CYCS: variants seen among roughly 807,000 people sequenced by gnomAD.
CYCS encodes cytochrome c.
For synonymous variants in CYCS, 41 were observed against 43.0 expected (o/e 0.95, Z 0.18); for missense variants, 87 against 125.3 (o/e 0.69, Z 1.46).
rs570409351 is a variant in CYCS at position 25,123,354 on chromosome 7, T to G, written c.*347A>C. On this transcript the variant is annotated 3_prime_UTR_variant, in exon 3 of 3. Transcript: ENST00000305786. ...TCCCCAGTATTTAAATATATTCACA[T>G]AACCAGTTATATAAATCTAAATATA... The G allele has an allele frequency of 5.1e-4, 162 of 320,184 alleles. No individual in the cohort carries two copies. Among genetic ancestry groups the G allele is most frequent in the African/African-American group, 3.4e-3 (156 of 46,442 alleles). The allele number at this position is 320,184 out of a possible 1,614,324, so 19.8% of individuals were successfully genotyped here. A position where few individuals can be genotyped will look rare whatever the true frequency, so the allele number is the denominator to read the frequency against.
In CYCS at chr7:25,123,073, GT is replaced by G. The variant is rs959177076; in HGVS notation, c.*627del. 2.6e-5 allele frequency: 4 copies of G among 153,304 alleles called. No homozygotes were observed. The highest frequency in any genetic ancestry group is 2.6e-4 in the Admixed American group (4 of 15,510). The allele number at this position is 153,304 out of a possible 1,614,324, so 9.5% of individuals were successfully genotyped here. On this transcript the variant is annotated 3_prime_UTR_variant, in exon 3 of 3. Transcript: ENST00000305786. ...TAACTTGCTACTATTTTAAAAGCAT[GT>G]GACCTTATAGATCTGTAAGATGTGA... is the stretch of plus-strand genomic sequence containing the variant.
rs1472484318 is a variant in CYCS, at chr7:25,123,944, C to G, written c.169+7G>C. ...TTGTGTTGTTTTATTTAACAAGTGA[C>G]TCTTACCTTTGTTCTTATTGGCGGC... On this transcript the variant is annotated splice_region_variant and intron_variant, in intron 2 of 2. Coordinates refer to ENST00000305786, the MANE Select transcript of CYCS (RefSeq NM_018947.6). 1 of 1,614,114 alleles carries G rather than the reference C, an allele frequency of 6.2e-7. No individual in the cohort carries two copies. Among genetic ancestry groups the G allele is most frequent in the Non-Finnish European group, 8.5e-7 (1 of 1,180,002 alleles).
Position 25,122,134 on chromosome 7 carries a change from T to C in CYCS, c.*1567A>G, listed in dbSNP as rs2128577191. 6.6e-6 allele frequency: 1 copy of C among 152,276 alleles called. No individual in the cohort carries two copies. Among genetic ancestry groups the C allele is most frequent in the African/African-American group, 2.4e-5 (1 of 41,556 alleles). 9.4% of individuals were successfully genotyped at this position (152,276 alleles called of 1,614,324 possible). ...CTGTCCCTGAATACCACTAACTTTA[T>C]ACAGTCACCAAGTCCTCTGCTACAA... On this transcript the variant is annotated 3_prime_UTR_variant, in exon 3 of 3. Coordinates refer to ENST00000305786, the MANE Select transcript of CYCS (RefSeq NM_018947.6).
In CYCS at chr7:25,122,226, C is replaced by T. The variant is rs1250776762; in HGVS notation, c.*1475G>A. On this transcript the variant is annotated 3_prime_UTR_variant, in exon 3 of 3. Transcript: ENST00000305786. ...CATTTTTAAATTCCCCACCAGAACT[C>T]AGACTAGGACTTCAAATATGAATTA... is the stretch of plus-strand genomic sequence containing the variant. 1 of 152,182 alleles carries T rather than the reference C, an allele frequency of 6.6e-6. No individual in the cohort carries two copies. Among genetic ancestry groups the T allele is most frequent in the African/African-American group, 2.4e-5 (1 of 41,430 alleles). The allele number at this position is 152,182 out of a possible 1,614,324, so 9.4% of individuals were successfully genotyped here. A position where few individuals can be genotyped will look rare whatever the true frequency, so the allele number is the denominator to read the frequency against.
Position 25,122,373 on chromosome 7 carries a change from T to G in CYCS, c.*1328A>C, listed in dbSNP as rs1270722890. On this transcript the variant is annotated 3_prime_UTR_variant, in exon 3 of 3. Coordinates refer to ENST00000305786, the MANE Select transcript of CYCS (RefSeq NM_018947.6). ...TTTGAGACCATGGATTCACATCTTC[T>G]CAGTCTTCTCACTGTCCCACAAAGA... The G allele has an allele frequency of 6.6e-6, 1 of 152,254 alleles. No homozygotes were observed. Among genetic ancestry groups the G allele is most frequent in the Admixed American group, 6.5e-5 (1 of 15,288 alleles). The allele number at this position is 152,254 out of a possible 1,614,324, so 9.4% of individuals were successfully genotyped here. A position where few individuals can be genotyped will look rare whatever the true frequency, so the allele number is the denominator to read the frequency against.
At position 25,120,651 on chromosome 7, in the gene CYCS, G is replaced by A. The variant is rs1783345603; in HGVS notation, c.*3050C>T. Reference sequence around the variant, plus strand: ...GACAGCACTGTTCTAGACAAAATAAGCATGTAGGTGGCATCTGAATACCCC... The same window carrying A: ...GACAGCACTGTTCTAGACAAAATAAACATGTAGGTGGCATCTGAATACCCC... On this transcript the variant is annotated 3_prime_UTR_variant, in exon 3 of 3. Transcript: ENST00000305786. 2 of 152,206 alleles carry A rather than the reference G, an allele frequency of 1.3e-5. No homozygotes were observed. Among genetic ancestry groups the A allele is most frequent in the African/African-American group, 4.8e-5 (2 of 41,446 alleles). 9.4% of individuals were successfully genotyped at this position (152,206 alleles called of 1,614,324 possible).
Position 25,123,752 on chromosome 7 carries a change from C to T in CYCS, c.267G>A (p.Lys89=), listed in dbSNP as rs766626698. Residue 89 remains lysine (K), a synonymous_variant, in exon 3 of 3, where the codon AAG becomes AAA. Coordinates refer to ENST00000305786, the MANE Select transcript of CYCS (RefSeq NM_018947.6). Reference sequence around the variant, plus strand: ...AAGCTATTAAGTCTGCCCTTTCTTCCTTCTTCTTAATGCCGACAAAGATCA... The same window carrying T: ...AAGCTATTAAGTCTGCCCTTTCTTCTTTCTTCTTAATGCCGACAAAGATCA... ...TKMIFVGIKK[K]EERADLIAYL... The T allele has an allele frequency of 6.2e-6, 10 of 1,608,724 alleles. No homozygotes were observed. The South Asian group carries it at 1.1e-4, about 18-fold the overall frequency.
chr7:25,121,026 A>C lies in CYCS; in HGVS notation c.*2675T>G, dbSNP rs921694755. On this transcript the variant is annotated 3_prime_UTR_variant, in exon 3 of 3. Transcript: ENST00000305786. ...GTAATCCCAGCTACTTGAGAGGCTG[A>C]GTCAGGAGAATCGCTTGAACCTGGA... 3 of 152,312 alleles carry C rather than the reference A, an allele frequency of 2.0e-5. No individual in the cohort carries two copies. Among genetic ancestry groups the C allele is most frequent in the African/African-American group, 7.2e-5 (3 of 41,468 alleles). The allele number at this position is 152,312 out of a possible 1,614,324, so 9.4% of individuals were successfully genotyped here.
chr7:25,125,056 A>G (rs934657434), intron 1 of CYCS, 144 bp downstream of exon 1: 1 of 152,140 alleles, frequency 6.6e-6, no homozygotes, highest in African/African-American at 2.4e-5. Context: ...CGGTCTGACC[A>G]CAGTCCAGGG....
Position 25,120,560 on chromosome 7 carries a change from G to A in CYCS, c.*3141C>T, listed in dbSNP as rs1783343379. 6.6e-6 allele frequency: 1 copy of A among 152,214 alleles called. No homozygotes were observed. The allele number at this position is 152,214 out of a possible 1,614,324, so 9.4% of individuals were successfully genotyped here. On this transcript the variant is annotated 3_prime_UTR_variant, in exon 3 of 3. Transcript: ENST00000305786. ...TTCAAGGGCTTAACAGCCACATGTG[G>A]TTAGTGGCTACCACACTGGACAGCA...
Position 25,123,383 on chromosome 7 carries a change from C to T in CYCS, c.*318G>A, listed in dbSNP as rs1420185221. The T allele has an allele frequency of 8.8e-6, 3 of 339,598 alleles. No individual in the cohort carries two copies. Among genetic ancestry groups the T allele is most frequent in the African/African-American group, 2.1e-5 (1 of 47,128 alleles). 21.0% of individuals were successfully genotyped at this position (339,598 alleles called of 1,614,324 possible). On this transcript the variant is annotated 3_prime_UTR_variant, in exon 3 of 3. Coordinates refer to ENST00000305786, the MANE Select transcript of CYCS (RefSeq NM_018947.6). ...CAGTTATATAAATCTAAATATAAAA[C>T]CAATCTCCAGTAAGTTTTAAGATGG...
At position 25,119,250 on chromosome 7, in the gene CYCS, CATGA is replaced by C. The variant is rs371062552; in HGVS notation, c.*4447_*4450del. Among the ~76,000 whole-genome samples the C allele has an allele frequency of 5.4e-4, 82 of 152,294 alleles. No individual in the cohort carries two copies. The highest frequency in any genetic ancestry group is 1.9e-3 in the African/African-American group (80 of 41,556). On this transcript the variant is annotated 3_prime_UTR_variant, in exon 3 of 3. Transcript: ENST00000305786. ...CTGATGACGGATTGCCAAAAGAGCT[CATGA>C]ATGAATATTTTCCATTCTAAGGAAA...
chr7:25,124,876 C>T (rs1247028475), intron 1 of CYCS: 1 of 152,508 alleles, frequency 6.6e-6, no homozygotes, highest in African/African-American at 2.4e-5. Flanking sequence ...TAAGCTTCGG[C>T]TTTCCAGGAG....
intron 1 of CYCS, among the ~76,000 whole-genome samples, chr7:25,124,486 C>CT (rs1267564399): frequency 6.6e-6 from 1 of 152,228 alleles, no homozygotes; most frequent in African/African-American, 2.4e-5. Flanking sequence ...ACAACCGCAA[C>CT]TTTTAAAAAG....
At position 25,118,813 on chromosome 7, in the gene CYCS, T is replaced by G. The variant is rs1187818314; in HGVS notation, c.*4888A>C. Reference sequence around the variant, plus strand: ...AATGTTTAAATTTAAAATGTTAAATTTAACATTTTAACATGTTTAAATGTT... The same window carrying G: ...AATGTTTAAATTTAAAATGTTAAATGTAACATTTTAACATGTTTAAATGTT... On this transcript the variant is annotated 3_prime_UTR_variant, in exon 3 of 3. Coordinates refer to ENST00000305786, the MANE Select transcript of CYCS (RefSeq NM_018947.6). Among the ~76,000 whole-genome samples, 1 of 151,866 alleles carries G rather than the reference T, an allele frequency of 6.6e-6. No individual in the cohort carries two copies. Among genetic ancestry groups the G allele is most frequent in the African/African-American group, 2.4e-5 (1 of 41,440 alleles).
intron 1 of CYCS, among the ~76,000 whole-genome samples, chr7:25,124,528 G>A (rs1190273174): frequency 1.3e-5 from 2 of 152,186 alleles, no homozygotes; most frequent in African/African-American, 2.4e-5. Flanking sequence ...ACAATGTAAA[G>A]CCACCTCTCC....
At position 25,119,569 on chromosome 7, in the gene CYCS, CCCAGACCA is replaced by C. The variant is rs1384578106; in HGVS notation, c.*4124_*4131del. ...GGGATTGCAGGCATGACCTACTGCA[CCCAGACCA>C]CTTTTTTTTTTTTTAAAAGAGATGG... is the stretch of plus-strand genomic sequence containing the variant. On this transcript the variant is annotated 3_prime_UTR_variant, in exon 3 of 3. Coordinates refer to ENST00000305786, the MANE Select transcript of CYCS (RefSeq NM_018947.6). 3.4e-5 allele frequency among the ~76,000 whole-genome samples: 5 copies of C among 148,298 alleles called. 1 individual carries two copies. The East Asian group carries it at 1.0e-3, about 30-fold the overall frequency.
In CYCS at chr7:25,122,875, A is replaced by G. The variant is rs1783384855; in HGVS notation, c.*826T>C. On this transcript the variant is annotated 3_prime_UTR_variant, in exon 3 of 3. Coordinates refer to ENST00000305786, the MANE Select transcript of CYCS (RefSeq NM_018947.6). ...ATTATCTTTAGTCTTGTGATCACAC[A>G]TAATTTTAAAATTTGTGTATATCTC... 1 of 152,246 alleles carries G rather than the reference A, an allele frequency of 6.6e-6. No individual in the cohort carries two copies. Among genetic ancestry groups the G allele is most frequent in the African/African-American group, 2.4e-5 (1 of 41,478 alleles). The allele number at this position is 152,246 out of a possible 1,614,324, so 9.4% of individuals were successfully genotyped here.
chr7:25,123,314 G>C lies in CYCS; in HGVS notation c.*387C>G. The C allele has an allele frequency of 3.4e-6, 1 of 291,562 alleles. No individual in the cohort carries two copies. Among genetic ancestry groups the C allele is most frequent in the Non-Finnish European group, 6.7e-6 (1 of 150,250 alleles). The allele number at this position is 291,562 out of a possible 1,614,324, so 18.1% of individuals were successfully genotyped here. ...ACAGGTGAATCTTGCTTGGTTCTAA[G>C]ACAGTGAAGCAATTTCCCCAGTATT... On this transcript the variant is annotated 3_prime_UTR_variant, in exon 3 of 3. Transcript: ENST00000305786.
Sources: gnomAD v4.1 joint callset for allele counts (sites outside exome capture counted in the v4.1 genomes callset) on GRCh38, gnomAD v4.1.1 for gene constraint, MANE v1.5 for transcripts, NCBI Gene and HGNC (gene_info 2026-07-23, HGNC 2026-07-21) for gene names.